CLIP4: variants seen among roughly 807,000 people sequenced by gnomAD.
CLIP4 encodes the protein CAP-Gly domain-containing linker protein 4.
In CLIP4, 47 loss-of-function variants were observed where a neutral mutation model predicts 73.1. That is an observed-to-expected ratio of 0.64 (90% confidence interval 0.51 to 0.82). The LOEUF is 0.82. Among genes scored for constraint, CLIP4 ranks in the 40% least tolerant of loss-of-function variants. The pLI is 0.00. For missense variants in CLIP4, 874 were observed against 852.9 expected (o/e 1.02, Z -0.31); for synonymous variants, 306 against 295.4 (o/e 1.04, Z -0.37).
At chr2:29,165,405 A>G (rs1217321263) in intron 13 of CLIP4, among the ~76,000 whole-genome samples, 2 of 152,176 alleles carry the variant, frequency 1.3e-5, no homozygotes, top group Non-Finnish European at 2.9e-5. Flanking sequence ...TGCAGGCACC[A>G]TGTTCCCTCA....
Position 29,132,239 on chromosome 2 carries a change from G to A in CLIP4, c.361G>A (p.Gly121Ser). The change falls in exon 4 of 16, where the codon GGT (glycine) becomes AGT (serine). Residue 121 changes from glycine (G) to serine (S), a missense_variant. Gly to Ser is a moderately conservative substitution (Grantham distance 56, BLOSUM62 0). Transcript: ENST00000320081. ...TTATACCTGCAAATCTGGAGCTCAT[G>A]GTATTGGTAAGTGTGTGGTAAATCT... ...LHYTCKSGAH[G>S]IGDVETAVKF... 1.9e-6 allele frequency: 3 copies of A among 1,611,856 alleles called. No homozygotes were observed. The highest frequency in any genetic ancestry group is 1.7e-6 in the Non-Finnish European group (2 of 1,178,158).
At chr2:29,181,446 C>A in intron 15 of CLIP4, 126 bp from the exon 16 acceptor site, 1 of 776,732 alleles carries the variant, frequency 1.3e-6, no homozygotes, top group Non-Finnish European at 2.0e-6. Context: ...AAGTTGTGAC[C>A]ATAAAGTATT....
At chr2:29,159,252 T>A (rs1488787884) in intron 11 of CLIP4, among the ~76,000 whole-genome samples, 2 of 152,170 alleles carry the variant, frequency 1.3e-5, no homozygotes, top group Non-Finnish European at 2.9e-5. Context: ...TTCTTCTTTT[T>A]TCACAGTATG....
Position 29,145,216 on chromosome 2 carries a change from T to C in CLIP4, c.886-16T>C, listed in dbSNP as rs1302633230. 6.2e-7 allele frequency: 1 copy of C among 1,608,852 alleles called. No individual in the cohort carries two copies. The highest frequency in any genetic ancestry group is 2.2e-5 in the East Asian group (1 of 44,762). On this transcript the variant is annotated splice_polypyrimidine_tract_variant and intron_variant, in intron 7 of 15. Coordinates refer to ENST00000320081, the MANE Select transcript of CLIP4 (RefSeq NM_024692.6). ...TAATAATTCCCCAAAATTATTCTGG[T>C]TTATATTTTCTTTAGGTTGGTACAT...
chr2:29,136,183 T>C (rs896736828), intron 6 of CLIP4, among the ~76,000 whole-genome samples: 1 of 148,990 alleles, frequency 6.7e-6, no homozygotes, highest in African/African-American at 2.5e-5. Context: ...TCATTTGTTG[T>C]TGTTGTTTTT....
In CLIP4 at chr2:29,182,670, A is replaced by C. The variant is rs752761106; in HGVS notation, c.*777A>C. On this transcript the variant is annotated 3_prime_UTR_variant, in exon 16 of 16. Transcript: ENST00000320081. ...GCTGCTTGACTGCTTCATCTGGATG[A>C]ACTACAAAAAACCCATGATTAAGGT... The C allele has an allele frequency of 3.3e-5, 5 of 152,630 alleles. No individual in the cohort carries two copies. Among genetic ancestry groups the C allele is most frequent in the Admixed American group, 1.3e-4 (2 of 15,270 alleles). 9.5% of individuals were successfully genotyped at this position (152,630 alleles called of 1,614,324 possible). A position where few individuals can be genotyped will look rare whatever the true frequency, so the allele number is the denominator to read the frequency against.
chr2:29,151,879 A>AT lies in CLIP4; in HGVS notation c.1022-804dup, dbSNP rs1178419510. ...GCATACTTTGTATGCTGGTTATTTT[A>AT]TTGTATGGATAAACTCCTTTTTGGT... On this transcript the variant is annotated intron_variant, in intron 8 of 15. Transcript: ENST00000320081. Among the ~76,000 whole-genome samples the AT allele has an allele frequency of 2.6e-5, 4 of 151,926 alleles. No individual in the cohort carries two copies. The East Asian group carries it at 7.7e-4, about 29-fold the overall frequency.
At chr2:29,154,478 A>G (rs1666789373) in intron 9 of CLIP4, among the ~76,000 whole-genome samples, 2 of 152,222 alleles carry the variant, frequency 1.3e-5, no homozygotes, top group African/African-American at 4.8e-5. Context: ...GTCCAAGGAC[A>G]TAGATGGAAT....
At chr2:29,132,764 T>C (rs1366126022) in intron 4 of CLIP4, 2 of 152,608 alleles carry the variant, frequency 1.3e-5, no homozygotes, top group Non-Finnish European at 2.9e-5. Context: ...CTGAAGCTAC[T>C]GGTGGTGATG....
rs776047194 is a variant in CLIP4, at chr2:29,140,922, C to T, written c.649-2787C>T. Among the ~76,000 whole-genome samples the T allele has an allele frequency of 8.5e-5, 13 of 152,136 alleles. 1 individual carries two copies. The highest frequency in any genetic ancestry group is 6.2e-4 in the South Asian group (3 of 4,828). On this transcript the variant is annotated intron_variant, in intron 6 of 15. Coordinates refer to ENST00000320081, the MANE Select transcript of CLIP4 (RefSeq NM_024692.6). ...CTTATTTTTCTAGTTCCCTTAGGTG[C>T]AATGTTAGGTTGTTGAGACCTCCCT...
At chr2:29,100,366 G>C (rs1668005322) in intron 1 of CLIP4, among the ~76,000 whole-genome samples, 1 of 152,062 alleles carries the variant, frequency 6.6e-6, no homozygotes, top group Non-Finnish European at 1.5e-5. Context: ...TTAAAAATTA[G>C]ACTTTATTTT....
chr2:29,144,049 A>G (rs1034277136), intron 7 of CLIP4, 104 bp downstream of exon 7: 14 of 835,744 alleles, frequency 1.7e-5, no homozygotes, highest in African/African-American at 1.4e-4. Flanking sequence ...AAAAGGTTCA[A>G]CATGTAGGTA....
intron 5 of CLIP4, among the ~76,000 whole-genome samples, chr2:29,134,936 TCTG>T (rs556164559): frequency 2.8e-4 from 42 of 152,308 alleles, no homozygotes; most frequent in Admixed American, 8.5e-4. Flanking sequence ...CTTTGAAAAT[TCTG>T]CTTTGTTTTA....
chr2:29,116,994 C>T lies in CLIP4; in HGVS notation c.-16+1329C>T, dbSNP rs546203996. 2.0e-5 allele frequency among the ~76,000 whole-genome samples: 3 copies of T among 152,306 alleles called. No homozygotes were observed. In the South Asian group the frequency reaches 6.2e-4, roughly 32 times the overall value. On this transcript the variant is annotated intron_variant, in intron 1 of 15. Coordinates refer to ENST00000320081, the MANE Select transcript of CLIP4 (RefSeq NM_024692.6). ...TATAAAATCAACTTCACTCTTTCTC[C>T]CTGTTCAAACCTCAAACTCTGGTTA... is the stretch of plus-strand genomic sequence containing the variant.
chr2:29,127,929 C>T (rs937930675), intron 2 of CLIP4, among the ~76,000 whole-genome samples: 1 of 152,080 alleles, frequency 6.6e-6, no homozygotes, highest in African/African-American at 2.4e-5. Flanking sequence ...AAGATAATAA[C>T]TGGAATTATG....
At chr2:29,144,009 C>CACAG (rs3217572) in intron 7 of CLIP4, 64 bp downstream of exon 7, 770,402 of 1,308,232 alleles carry the variant, frequency 0.59, 233,267 homozygotes, top group Admixed American at 0.76. Flanking sequence ...TGTTCAAGGA[C>CACAG]ACAGTATGGT....
At chr2:29,105,901 T>A (rs1668189684) in intron 1 of CLIP4, among the ~76,000 whole-genome samples, 1 of 152,162 alleles carries the variant, frequency 6.6e-6, no homozygotes, top group African/African-American at 2.4e-5. Flanking sequence ...TAAATAAATC[T>A]CTGTTGTTTA....
At chr2:29,154,992 C>T (rs1305402714) in intron 9 of CLIP4, among the ~76,000 whole-genome samples, 1 of 152,130 alleles carries the variant, frequency 6.6e-6, no homozygotes, top group Non-Finnish European at 1.5e-5. Context: ...ATTCAAAAGA[C>T]ACAAGATACA....
Position 29,152,780 on chromosome 2 carries a change from A to G in CLIP4, c.1117A>G (p.Arg373Gly), listed in dbSNP as rs780662581. 3.1e-6 allele frequency: 5 copies of G among 1,613,760 alleles called. No individual in the cohort carries two copies. The Admixed American group carries it at 8.3e-5, about 27-fold the overall frequency. The change falls in exon 9 of 16, where the codon AGG (arginine) becomes GGG (glycine). Residue 373 changes from arginine to glycine, a missense_variant. Arg to Gly is a moderately radical substitution (Grantham distance 125, BLOSUM62 -2). Coordinates refer to ENST00000320081, the MANE Select transcript of CLIP4 (RefSeq NM_024692.6). Reference protein sequence around the residue: ...PSTKAAVPLIRSQKIDVAHVT... With the variant: ...PSTKAAVPLIGSQKIDVAHVT... ...TACAAAAGCTGCTGTACCTCTCATCAGGTCCCAGAAAATTGACGTAGCTCA... is the reference window on the plus strand; with the variant it reads ...TACAAAAGCTGCTGTACCTCTCATCGGGTCCCAGAAAATTGACGTAGCTCA...
Sources: allele counts gnomAD v4.1 joint callset (sites outside exome capture counted in the v4.1 genomes callset), GRCh38; gene constraint gnomAD v4.1.1; transcripts MANE v1.5; gene names NCBI Gene and HGNC (gene_info 2026-07-23, HGNC 2026-07-21).